ZNF557: variants seen among roughly 807,000 people sequenced by gnomAD.
ZNF557 encodes zinc finger protein 557, also known as CTB-25J19.9.
A neutral mutation model predicts 21.2 loss-of-function variants in ZNF557; 19 were observed. The observed-to-expected ratio is 0.90, with a 90% CI of 0.63 to 1.32. ZNF557 has a LOEUF of 1.32. ZNF557 is among the 40% of genes most tolerant of loss of function. The probability of loss-of-function intolerance (pLI) is 0.00; values close to 1 mark genes in which losing one functional copy is unlikely to be tolerated. For synonymous variants in ZNF557, 207 were observed against 194.8 expected (o/e 1.06, Z -0.52); for missense variants, 487 against 519.8 (o/e 0.94, Z 0.61).
chr19:7,075,311 T>C (rs972171256), intron 3 of ZNF557, among the ~76,000 whole-genome samples: 1 of 152,186 alleles, frequency 6.6e-6, no homozygotes, highest in Admixed American at 6.5e-5. Flanking sequence ...GTGGTGAATG[T>C]GCTGGAGCTT....
At chr19:7,069,985 T>G (rs961966388) in intron 1 of ZNF557, among the ~76,000 whole-genome samples, 3 of 152,208 alleles carry the variant, frequency 2.0e-5, no homozygotes, top group Non-Finnish European at 4.4e-5. Context: ...AGGGGACTTT[T>G]GGCTATAGTT....
rs1201796861 is a variant in ZNF557 at position 7,086,418 on chromosome 19, G to A, written c.*2674G>A. 1 of 136,612 alleles carries A rather than the reference G, an allele frequency of 7.3e-6. No individual in the cohort carries two copies. The highest frequency in any genetic ancestry group is 2.7e-5 in the African/African-American group (1 of 36,406). 8.5% of individuals were successfully genotyped at this position (136,612 alleles called of 1,614,324 possible). A position where few individuals can be genotyped will look rare whatever the true frequency, so the allele number is the denominator to read the frequency against. On this transcript the variant is annotated 3_prime_UTR_variant, in exon 8 of 8. Transcript: ENST00000252840. ...GCTCTGTTGTCCAGGCTAGAATGCA[G>A]TGGCGCGATTGTGGCTCACTGCAAG...
At position 7,085,556 on chromosome 19, in the gene ZNF557, C is replaced by T. The variant is rs577366042; in HGVS notation, c.*1812C>T. ...AAATGTTCCTTGGATGCAATACTCA[C>T]GAGTGTATTAATTTCAGAAAAATTT... On this transcript the variant is annotated 3_prime_UTR_variant, in exon 8 of 8. Coordinates refer to ENST00000252840, the MANE Select transcript of ZNF557 (RefSeq NM_024341.3). 4 of 152,158 alleles carry T rather than the reference C, an allele frequency of 2.6e-5. No homozygotes were observed. The highest frequency in any genetic ancestry group is 4.8e-5 in the African/African-American group (2 of 41,426). The allele number at this position is 152,158 out of a possible 1,614,324, so 9.4% of individuals were successfully genotyped here. A position where few individuals can be genotyped will look rare whatever the true frequency, so the allele number is the denominator to read the frequency against.
chr19:7,081,153 GTGTGTGTGTGTGTGT>G (rs1977692468), intron 5 of ZNF557, among the ~76,000 whole-genome samples, 192 bp from the exon 6 acceptor site: 2 of 8,084 alleles, frequency 2.5e-4, no homozygotes, highest in African/African-American at 8.5e-4. Context: ...CTTGTGGGGT[GTGTGTGTGTGTGTGT>G]GTGTGTGTGT....
At chr19:7,073,521 A>G (rs183296483) in intron 2 of ZNF557, among the ~76,000 whole-genome samples, 3 of 152,292 alleles carry the variant, frequency 2.0e-5, no homozygotes, top group Admixed American at 6.5e-5. Context: ...AAGTACAAAT[A>G]TATAAACTTT....
At chr19:7,072,202 T>C (rs1205706202) in intron 2 of ZNF557, among the ~76,000 whole-genome samples, 1 of 150,186 alleles carries the variant, frequency 6.7e-6, no homozygotes, top group African/African-American at 2.5e-5. Context: ...GGTGGGCAGA[T>C]CGCCTGAGGT....
At chr19:7,079,306 A>G (rs535511923) in intron 5 of ZNF557, among the ~76,000 whole-genome samples, 8 of 143,978 alleles carry the variant, frequency 5.6e-5, no homozygotes, top group South Asian at 2.1e-4. Context: ...CAGTGGTGCA[A>G]TCTTGGCTAA....
chr19:7,072,397 C>T (rs1977479639), intron 2 of ZNF557, among the ~76,000 whole-genome samples: 1 of 152,194 alleles, frequency 6.6e-6, no homozygotes, highest in African/African-American at 2.4e-5. Context: ...TGTACTCCAG[C>T]CTGGGTGACA....
In ZNF557 at chr19:7,083,083, A is replaced by C; in HGVS notation, c.632A>C (p.Asn211Thr). The change falls in exon 8 of 8, where the codon AAT becomes ACT. Residue 211 changes from asparagine to threonine, a missense_variant. By Grantham distance (65) the Asn-to-Thr change is moderately conservative (BLOSUM62 0). Coordinates refer to ENST00000252840, the MANE Select transcript of ZNF557 (RefSeq NM_024341.3). Reference sequence around the variant, plus strand: ...AATGGGGAGAAACCCTATGAATGCAATGACTGTGGGAAAACCTTCAGCAGC... The same window carrying C: ...AATGGGGAGAAACCCTATGAATGCACTGACTGTGGGAAAACCTTCAGCAGC... ...IHNGEKPYEC[N>T]DCGKTFSSRS... 1 of 1,613,848 alleles carries C rather than the reference A, an allele frequency of 6.2e-7. No homozygotes were observed. The highest frequency in any genetic ancestry group is 8.5e-7 in the Non-Finnish European group (1 of 1,179,892).
intron 1 of ZNF557, among the ~76,000 whole-genome samples, chr19:7,070,231 C>T (rs1977431958): frequency 1.3e-5 from 2 of 152,168 alleles, no homozygotes; most frequent in South Asian, 2.1e-4. Flanking sequence ...ATTTAGAATT[C>T]AGCCGAGTCC....
rs556670946 is a variant in ZNF557, at chr19:7,073,274, C to T, written c.-79-1722C>T. Reference sequence around the variant, plus strand: ...CAAGCGATTCTCCTGCCTCATCCTCCCAAGTAGCTGGGATTACAGGCACCC... The same window carrying T: ...CAAGCGATTCTCCTGCCTCATCCTCTCAAGTAGCTGGGATTACAGGCACCC... On this transcript the variant is annotated intron_variant, in intron 2 of 7. Transcript: ENST00000252840. 7.3e-5 allele frequency among the ~76,000 whole-genome samples: 11 copies of T among 151,318 alleles called. 1 individual carries two copies. In the South Asian group the frequency reaches 2.3e-3, roughly 32 times the overall value.
At chr19:7,077,536 T>A (rs1977612030) in intron 5 of ZNF557, among the ~76,000 whole-genome samples, 1 of 152,242 alleles carries the variant, frequency 6.6e-6, no homozygotes. Context: ...TTTTTATATA[T>A]CATTTCATCA....
In ZNF557 at chr19:7,083,368, CTCTT is replaced by C. The variant is rs771762409; in HGVS notation, c.922_925del (p.Ser308ArgfsTer27). 6 of 1,614,228 alleles carry C rather than the reference CTCTT, an allele frequency of 3.7e-6. No individual in the cohort carries two copies. The Admixed American group carries it at 1.0e-4, about 27-fold the overall frequency. The stretch of plus-strand genomic sequence containing the variant: ...GGAAAGGCTTTCGGCACGAGGTCAT[CTCTT>C]TCTTCGCACTATAGCATTCATACAG... On this transcript the variant is annotated frameshift_variant, in exon 8 of 8. Transcript: ENST00000252840. LOFTEE classifies it low-confidence loss of function (END_TRUNC).
At position 7,082,915 on chromosome 19, in the gene ZNF557, A is replaced by G. The variant is rs1977742551; in HGVS notation, c.464A>G (p.Asn155Ser). 2 of 1,605,720 alleles carry G rather than the reference A, an allele frequency of 1.2e-6. No homozygotes were observed. The highest frequency in any genetic ancestry group is 1.1e-5 in the South Asian group (1 of 90,104). ...NHLGATLNEC[N>S]QCFKVFSTKS... ...CTTGGAGCAACACTCAACGAATGTA[A>G]TCAGTGTTTTAAAGTCTTCAGCACA... Residue 155 changes from asparagine to serine, a missense_variant, in exon 8 of 8, where the codon AAT (asparagine) becomes AGT (serine). Coordinates refer to ENST00000252840, the MANE Select transcript of ZNF557 (RefSeq NM_024341.3).
At chr19:7,082,440 A>AAAAAT (rs1977731730) in intron 7 of ZNF557, among the ~76,000 whole-genome samples, 1 of 150,686 alleles carries the variant, frequency 6.6e-6, no homozygotes, top group Admixed American at 6.6e-5. Context: ...AAAAAAAAAA[A>AAAAAT]GTGGCTTTAT....
At chr19:7,071,492 G>A (rs1284107158) in intron 2 of ZNF557, among the ~76,000 whole-genome samples, 6 of 152,148 alleles carry the variant, frequency 3.9e-5, no homozygotes, top group Admixed American at 1.3e-4. Flanking sequence ...GGGCGGCATT[G>A]TTCTAGTCTC....
chr19:7,070,132 T>G (rs1361724578), intron 1 of ZNF557, among the ~76,000 whole-genome samples: 1 of 152,156 alleles, frequency 6.6e-6, no homozygotes, highest in African/African-American at 2.4e-5. Flanking sequence ...CAAAGACTCA[T>G]CCAGCCCCAA....
chr19:7,070,401 A>G (rs972275131), intron 1 of ZNF557, among the ~76,000 whole-genome samples, 161 bp from the exon 2 acceptor site: 15 of 152,210 alleles, frequency 9.9e-5, no homozygotes, highest in African/African-American at 3.6e-4. Context: ...AGGCACAGCC[A>G]GTAGCCTGGG....
Position 7,083,381 on chromosome 19 carries a change from C to G in ZNF557, c.930C>G (p.His310Gln), listed in dbSNP as rs1977762077. The change falls in exon 8 of 8, where the codon CAC becomes CAG. Residue 310 changes from histidine (H) to glutamine (Q), a missense_variant. Coordinates refer to ENST00000252840, the MANE Select transcript of ZNF557 (RefSeq NM_024341.3). Reference sequence around the variant, plus strand: ...GCACGAGGTCATCTCTTTCTTCGCACTATAGCATTCATACAGGGGAGTACC... The same window carrying G: ...GCACGAGGTCATCTCTTTCTTCGCAGTATAGCATTCATACAGGGGAGTACC... Reference protein sequence around the residue: ...AFGTRSSLSSHYSIHTGEYPY... With the variant: ...AFGTRSSLSSQYSIHTGEYPY... The G allele has an allele frequency of 6.2e-7, 1 of 1,614,150 alleles. No individual in the cohort carries two copies. The highest frequency in any genetic ancestry group is 8.5e-7 in the Non-Finnish European group (1 of 1,180,026).
Sources: gnomAD v4.1 joint callset for allele counts (sites outside exome capture counted in the v4.1 genomes callset) on GRCh38, gnomAD v4.1.1 for gene constraint, MANE v1.5 for transcripts, NCBI Gene and HGNC (gene_info 2026-07-23, HGNC 2026-07-21) for gene names.